Variants in CHD3 observed in about 807,000 individuals in gnomAD.
The protein encoded by CHD3 is chromodomain helicase DNA binding protein 3.
A neutral mutation model predicts 248.9 loss-of-function variants in CHD3; 52 were observed. That is an observed-to-expected ratio of 0.21 (90% CI 0.17 to 0.26). CHD3 has a LOEUF of 0.26. Among genes scored for constraint, CHD3 ranks in the 10% least tolerant of loss-of-function variants. The pLI is 1.00. For missense variants in CHD3, 1,482 were observed against 2,605.8 expected, an observed-to-expected ratio of 0.57 and a Z score of 9.39; for synonymous variants, 985 against 985.2, an observed-to-expected ratio of 1.00 and a Z score of 0.00.
At position 7,899,673 on chromosome 17, in the gene CHD3, A is replaced by G. The variant is rs1005241803; in HGVS notation, c.2544+130A>G. ...CCTCCACCTGTCCTCCTGTCTCTGC[A>G]CTACCATCCTAGAGATATGGCAGGT... On this transcript the variant is annotated intron_variant, in intron 15 of 39. Coordinates refer to ENST00000330494, the MANE Select transcript of CHD3 (RefSeq NM_001005273.3). The surrounding 1 kb of genome is among the most constrained non-coding windows in gnomAD (Gnocchi z 6.8). 1.9e-6 allele frequency: 2 copies of G among 1,055,990 alleles called. No individual in the cohort carries two copies. The highest frequency in any genetic ancestry group is 1.6e-5 in the African/African-American group (1 of 63,318). The allele number at this position is 1,055,990 out of a possible 1,614,324, so 65.4% of individuals were successfully genotyped here. A position where few individuals can be genotyped will look rare whatever the true frequency, so the allele number is the denominator to read the frequency against.
chr17:7,910,647 A>G lies in CHD3; in HGVS notation c.5754+56A>G, dbSNP rs1435579958. 1.3e-6 allele frequency: 2 copies of G among 1,564,900 alleles called. No homozygotes were observed. Among genetic ancestry groups the G allele is most frequent in the East Asian group, 2.2e-5 (1 of 44,464 alleles). The stretch of plus-strand genomic sequence containing the variant: ...CCCTGTTTGTGTTCCTCCTGCACAC[A>G]TACAAACACTTCCATCAGAATCCTA... On this transcript the variant is annotated intron_variant, in intron 38 of 39. Transcript: ENST00000330494. This position sits in a 1 kb window ranked among gnomAD's most constrained non-coding sequence, Gnocchi z 4.7.
chr17:7,901,525 TTTG>T, intron 20 of CHD3, 150 bp downstream of exon 20: 1 of 711,336 alleles, frequency 1.4e-6, no homozygotes, highest in Non-Finnish European at 2.0e-6. Flanking sequence ...TTTTTTTTTT[TTTG>T]AGACAGAGTT....
chr17:7,901,769 C>T (rs1970351816), intron 20 of CHD3, among the ~76,000 whole-genome samples: 1 of 152,016 alleles, frequency 6.6e-6, no homozygotes, highest in Admixed American at 6.6e-5. Flanking sequence ...CCTCGGTCTC[C>T]CAAAGTGCTG....
intron 6 of CHD3, 55 bp downstream of exon 6, chr17:7,893,990 G>GGGATCCGTGAGGGCCAAGGATCCAGAGAC: frequency 1.9e-6 from 3 of 1,570,294 alleles, no homozygotes; most frequent in Non-Finnish European, 1.7e-6. Context: ...TCCAGAGACA[G>GGGATCCGTGAGGGCCAAGGATCCAGAGAC]GGATCCGTGA....
At chr17:7,893,072 G>A (rs1023691940) in intron 4 of CHD3, among the ~76,000 whole-genome samples, 1 of 152,116 alleles carries the variant, frequency 6.6e-6, no homozygotes, top group African/African-American at 2.4e-5. Flanking sequence ...TGCCTGGCCT[G>A]TATTTCTTTT....
At chr17:7,888,395 G>A (rs1968322826), upstream of CHD3, among the ~76,000 whole-genome samples, 1 of 152,222 alleles carries the variant, frequency 6.6e-6, no homozygotes, top group Admixed American at 6.5e-5. Flanking sequence ...AGAGCTAGGG[G>A]CTGGGCCAAG....
At position 7,906,475 on chromosome 17, in the gene CHD3, T is replaced by C; in HGVS notation, c.4359-78T>C. 1 of 1,509,902 alleles carries C rather than the reference T, an allele frequency of 6.6e-7. No homozygotes were observed. Among genetic ancestry groups the C allele is most frequent in the African/African-American group, 1.4e-5 (1 of 72,510 alleles). The allele number at this position is 1,509,902 out of a possible 1,614,324, so 93.5% of individuals were successfully genotyped here. On this transcript the variant is annotated intron_variant, in intron 28 of 39. Transcript: ENST00000330494. The surrounding 1 kb of genome is among the most constrained non-coding windows in gnomAD (Gnocchi z 5.0). Reference sequence around the variant, plus strand: ...GATTTGGGGGTTTGGGGGTCCTCAGTCATCCTCGCGCCTCCCTCACTGCCC... The same window carrying C: ...GATTTGGGGGTTTGGGGGTCCTCAGCCATCCTCGCGCCTCCCTCACTGCCC...
Position 7,905,796 on chromosome 17 carries a change from A to G in CHD3, c.4225-60A>G. On this transcript the variant is annotated intron_variant, in intron 27 of 39. Coordinates refer to ENST00000330494, the MANE Select transcript of CHD3 (RefSeq NM_001005273.3). The surrounding 1 kb of genome is among the most constrained non-coding windows in gnomAD (Gnocchi z 5.8). ...GGTGCCTGGATCACTGAAGGTAGAA[A>G]GGACAAGACCTAAGAACCCTAGACA... 1.3e-5 allele frequency: 21 copies of G among 1,614,076 alleles called. No homozygotes were observed. The highest frequency in any genetic ancestry group is 1.8e-5 in the Non-Finnish European group (21 of 1,179,966).
chr17:7,894,231 A>G lies in CHD3; in HGVS notation c.1041A>G (p.Leu347=), dbSNP rs745538295. 16 of 1,614,026 alleles carry G rather than the reference A, an allele frequency of 9.9e-6. No homozygotes were observed. Among genetic ancestry groups the G allele is most frequent in the South Asian group, 4.4e-5 (4 of 91,086 alleles). Residue 347 remains leucine, a synonymous_variant, in exon 7 of 40, where the codon CTA becomes CTG. Coordinates refer to ENST00000330494, the MANE Select transcript of CHD3 (RefSeq NM_001005273.3). The part of the protein sequence containing the change: ...RPDGPVRTKK[L]KRGRPGRKKK... ...ATGGCCCTGTCCGCACCAAGAAACT[A>G]AAGAGAGGCCGGCCAGGAAGGAAGA... is the stretch of plus-strand genomic sequence containing the variant.
intron 13 of CHD3, 110 bp from the exon 14 acceptor site, chr17:7,898,901 T>C: frequency 1.0e-6 from 1 of 975,282 alleles, no homozygotes; most frequent in Non-Finnish European, 1.6e-6. Flanking sequence ...ACTCAGGCCA[T>C]AGTAGAGGGA....
At position 7,903,133 on chromosome 17, in the gene CHD3, G is replaced by A; in HGVS notation, c.3495+72G>A. On this transcript the variant is annotated intron_variant, in intron 22 of 39. Transcript: ENST00000330494. This position sits in a 1 kb window ranked among gnomAD's most constrained non-coding sequence, Gnocchi z 6.8. Reference sequence around the variant, plus strand: ...GTGGGTTCATGGAGGAGGGTGTCATGTTCCGGGGTCAGAAATAAATCTCTT... The same window carrying A: ...GTGGGTTCATGGAGGAGGGTGTCATATTCCGGGGTCAGAAATAAATCTCTT... 5 of 1,583,840 alleles carry A rather than the reference G, an allele frequency of 3.2e-6. No individual in the cohort carries two copies. The highest frequency in any genetic ancestry group is 4.3e-6 in the Non-Finnish European group (5 of 1,160,292).
Position 7,898,043 on chromosome 17 carries a change from G to A in CHD3, c.1992G>A (p.Glu664=), listed in dbSNP as rs1365660124. The change falls in exon 12 of 40, where the codon GAG becomes GAA. Residue 664 remains glutamate (E), a synonymous_variant. Transcript: ENST00000330494. ...RDLPYDQSTW[E]EDEMNIPEYE... ...TACCATATGACCAGTCCACGTGGGA[G>A]GAAGATGAAATGAATATCCCTGAAT... 6.2e-7 allele frequency: 1 copy of A among 1,614,042 alleles called. No individual in the cohort carries two copies. Among genetic ancestry groups the A allele is most frequent in the Non-Finnish European group, 8.5e-7 (1 of 1,179,978 alleles).
chr17:7,906,510 T>G lies in CHD3; in HGVS notation c.4359-43T>G. 6.2e-7 allele frequency: 1 copy of G among 1,610,250 alleles called. No individual in the cohort carries two copies. Among genetic ancestry groups the G allele is most frequent in the Non-Finnish European group, 8.5e-7 (1 of 1,178,230 alleles). Reference sequence around the variant, plus strand: ...GCCTCCCTCACTGCCCTATACCCCTTCTGTGGCTCCCCTAACCCTCCTCCC... The same window carrying G: ...GCCTCCCTCACTGCCCTATACCCCTGCTGTGGCTCCCCTAACCCTCCTCCC... On this transcript the variant is annotated intron_variant, in intron 28 of 39. Coordinates refer to ENST00000330494, the MANE Select transcript of CHD3 (RefSeq NM_001005273.3). This position sits in a 1 kb window ranked among gnomAD's most constrained non-coding sequence, Gnocchi z 5.0.
At position 7,910,981 on chromosome 17, in the gene CHD3, G is replaced by T. The variant is rs1254269542; in HGVS notation, c.5881+8G>T. 1 of 1,611,886 alleles carries T rather than the reference G, an allele frequency of 6.2e-7. No homozygotes were observed. On this transcript the variant is annotated splice_region_variant and intron_variant, in intron 39 of 39. Coordinates refer to ENST00000330494, the MANE Select transcript of CHD3 (RefSeq NM_001005273.3). The surrounding 1 kb of genome is among the most constrained non-coding windows in gnomAD (Gnocchi z 4.7). ...CAGGGTCCTTCATCACAGGTCAGCT[G>T]GTGTTTTCCTACCCCCTGCTACTCA... is the stretch of plus-strand genomic sequence containing the variant.
In CHD3 at chr17:7,894,908, G is replaced by A. The variant is rs1423274092; in HGVS notation, c.1270-9G>A. 1 of 1,611,874 alleles carries A rather than the reference G, an allele frequency of 6.2e-7. No individual in the cohort carries two copies. Among genetic ancestry groups the A allele is most frequent in the Non-Finnish European group, 8.5e-7 (1 of 1,179,310 alleles). On this transcript the variant is annotated splice_polypyrimidine_tract_variant and intron_variant, in intron 8 of 39. Coordinates refer to ENST00000330494, the MANE Select transcript of CHD3 (RefSeq NM_001005273.3). ...CCATCTGTCTGTGTGTCTATCCTTGGCCCCCTAGGAGAAGGAGGGGGTCCA... is the reference window on the plus strand; with the variant it reads ...CCATCTGTCTGTGTGTCTATCCTTGACCCCCTAGGAGAAGGAGGGGGTCCA...
At chr17:7,896,144 C>T (rs1372659984) in intron 10 of CHD3, among the ~76,000 whole-genome samples, 5 of 144,520 alleles carry the variant, frequency 3.5e-5, no homozygotes, top group African/African-American at 7.7e-5. Context: ...AGGAGAATGG[C>T]GTGAACCCGG....
Position 7,904,167 on chromosome 17 carries a change from G to T in CHD3, c.3894+176G>T, listed in dbSNP as rs761330791. ...TCAGAGAGAAACGTAGGCACAGACA[G>T]TACTGGTAAACACAGAAGGGTACCT... On this transcript the variant is annotated intron_variant, in intron 24 of 39. Transcript: ENST00000330494. This position sits in a 1 kb window ranked among gnomAD's most constrained non-coding sequence, Gnocchi z 4.4. The T allele has an allele frequency of 9.0e-6, 6 of 666,698 alleles. No individual in the cohort carries two copies. In the Admixed American group the frequency reaches 1.7e-4, roughly 19 times the overall value. The allele number at this position is 666,698 out of a possible 1,614,324, so 41.3% of individuals were successfully genotyped here. A position where few individuals can be genotyped will look rare whatever the true frequency, so the allele number is the denominator to read the frequency against.
Position 7,895,588 on chromosome 17 carries a change from G to A in CHD3, c.1707+46G>A, listed in dbSNP as rs747588623. On this transcript the variant is annotated intron_variant, in intron 10 of 39. Coordinates refer to ENST00000330494, the MANE Select transcript of CHD3 (RefSeq NM_001005273.3). This position sits in a 1 kb window ranked among gnomAD's most constrained non-coding sequence, Gnocchi z 4.9. The stretch of plus-strand genomic sequence containing the variant: ...CCTCTCCCCCATGACCTCATTTCCT[G>A]CCATCCTCTCCCTCTCTTACTCCTC... 85 of 1,515,910 alleles carry A rather than the reference G, an allele frequency of 5.6e-5. No individual in the cohort carries two copies. Among genetic ancestry groups the A allele is most frequent in the Non-Finnish European group, 7.3e-5 (80 of 1,094,064 alleles). The allele number at this position is 1,515,910 out of a possible 1,614,324, so 93.9% of individuals were successfully genotyped here. A position where few individuals can be genotyped will look rare whatever the true frequency, so the allele number is the denominator to read the frequency against.
chr17:7,901,466 G>A (rs1413208085), intron 20 of CHD3, 91 bp downstream of exon 20: 2 of 1,124,398 alleles, frequency 1.8e-6, no homozygotes, highest in Non-Finnish European at 1.2e-6. Flanking sequence ...TCCTGTGGCT[G>A]CTCTGGTGTG....
Sources: gnomAD v4.1 joint callset for allele counts (sites outside exome capture counted in the v4.1 genomes callset) on GRCh38, gnomAD v4.1.1 for gene constraint, Gnocchi (gnomAD v3.1) non-coding constraint, MANE v1.5 for transcripts, NCBI Gene and HGNC (gene_info 2026-07-23, HGNC 2026-07-21) for gene names.